Variants in ANKRD36C observed in about 807,000 individuals in gnomAD.
ANKRD36C encodes ankyrin repeat domain 36C.
A neutral mutation model predicts 276.4 loss-of-function variants in ANKRD36C; 61 were observed. That is an observed-to-expected ratio of 0.22 (90% confidence interval 0.18 to 0.27). ANKRD36C has a LOEUF of 0.27. Ranked by LOEUF, ANKRD36C falls within the 10% of genes least tolerant of loss-of-function variation. The pLI, the probability that ANKRD36C is intolerant of heterozygous loss-of-function variation, is 1.00. For missense variants in ANKRD36C, 1,447 were observed against 2,032.3 expected (o/e 0.71, Z 5.54); for synonymous variants, 483 against 680.1 (o/e 0.71, Z 4.51).
chr2:95,885,708 A>AAT (rs1676184903), intron 52 of ANKRD36C, among the ~76,000 whole-genome samples: 1 of 151,896 alleles, frequency 6.6e-6, no homozygotes, highest in Non-Finnish European at 1.5e-5. Context: ...TGACGCCTAT[A>AAT]ATATCTATTA....
At chr2:95,910,848 A>G (rs4907223) in intron 42 of ANKRD36C, among the ~76,000 whole-genome samples, 41,498 of 151,200 alleles carry the variant, frequency 0.27, 6,624 homozygotes, top group East Asian at 0.47. Context: ...GCATAGGCCA[A>G]GTGATGAGAA....
intron 6 of ANKRD36C, among the ~76,000 whole-genome samples, chr2:95,969,491 A>C (rs1482894857): frequency 4.6e-5 from 7 of 152,168 alleles, no homozygotes; most frequent in African/African-American, 7.2e-5. Context: ...AATTTGAGCC[A>C]TTACATCCCA....
At chr2:95,911,307 T>C (rs1185612500) in intron 42 of ANKRD36C, among the ~76,000 whole-genome samples, 1 of 151,512 alleles carries the variant, frequency 6.6e-6, no homozygotes, top group Non-Finnish European at 1.5e-5. Context: ...AGTAAAATGC[T>C]ACAAGCATTA....
chr2:95,864,605 G>T (rs562675221), intron 60 of ANKRD36C, among the ~76,000 whole-genome samples: 1 of 152,160 alleles, frequency 6.6e-6, no homozygotes, highest in South Asian at 2.1e-4. Context: ...TTTAAAAAAA[G>T]AAATAAAATT....
chr2:95,977,603 G>A (rs1477955029), intron 6 of ANKRD36C, among the ~76,000 whole-genome samples: 1 of 151,888 alleles, frequency 6.6e-6, no homozygotes, highest in Non-Finnish European at 1.5e-5. Flanking sequence ...TACTGCAAAA[G>A]CTTCCTTTCT....
intron 60 of ANKRD36C, among the ~76,000 whole-genome samples, chr2:95,863,155 A>G (rs1238694306): frequency 6.6e-6 from 1 of 152,164 alleles, no homozygotes; most frequent in African/African-American, 2.4e-5. Flanking sequence ...GAAATAAACA[A>G]TGTGACATAA....
At chr2:95,891,506 C>G (rs1425365319) in intron 46 of ANKRD36C, among the ~76,000 whole-genome samples, 159 bp downstream of exon 66, 2 of 150,972 alleles carry the variant, frequency 1.3e-5, no homozygotes, top group African/African-American at 2.4e-5. Flanking sequence ...TCCAGAGCAG[C>G]AGCATCATCA....
intron 6 of ANKRD36C, among the ~76,000 whole-genome samples, chr2:95,964,481 C>T (rs983817317): frequency 2.0e-5 from 3 of 152,048 alleles, no homozygotes; most frequent in Non-Finnish European, 4.4e-5. Context: ...TCCACATTCA[C>T]TTCTTCATTA....
rs1485699423 is a variant in ANKRD36C at position 95,860,087 on chromosome 2, A to G, written c.3683-13T>C. 6.8e-7 allele frequency: 1 copy of G among 1,468,422 alleles called. No individual in the cohort carries two copies. 91.0% of individuals were successfully genotyped at this position (1,468,422 alleles called of 1,614,324 possible). ...AGGTGAACACAATCTGTAACCAGGA[A>G]AAAACAAAGTAGAGATAAAATACAT... On this transcript the variant is annotated splice_polypyrimidine_tract_variant and intron_variant, in intron 60 of 66. Transcript: ENST00000456556.
intron 58 of ANKRD36C, among the ~76,000 whole-genome samples, chr2:95,878,580 C>T (rs1171832989): frequency 6.6e-6 from 1 of 152,232 alleles, no homozygotes; most frequent in Non-Finnish European, 1.5e-5. Context: ...TAGTACCTTA[C>T]ATGTATAATT....
chr2:95,973,491 T>C (rs1411619434), intron 6 of ANKRD36C, among the ~76,000 whole-genome samples: 1 of 152,230 alleles, frequency 6.6e-6, no homozygotes, highest in Non-Finnish European at 1.5e-5. Flanking sequence ...TAGAAATATA[T>C]GTAGCCATTG....
intron 5 of ANKRD36C, among the ~76,000 whole-genome samples, 200 bp downstream of exon 5, chr2:95,980,448 A>G (rs1469333102): frequency 6.6e-6 from 1 of 152,104 alleles, no homozygotes; most frequent in African/African-American, 2.4e-5. Context: ...TCTTGCACCT[A>G]CTGCTACTTA....
At chr2:95,945,047 A>C in intron 18 of ANKRD36C, 67 bp downstream of exon 18, 1 of 1,492,266 alleles carries the variant, frequency 6.7e-7, no homozygotes, top group Non-Finnish European at 9.0e-7. Flanking sequence ...TACAAAAAAT[A>C]AGAAAGAAAA....
intron 30 of ANKRD36C, among the ~76,000 whole-genome samples, chr2:95,924,694 G>A (rs2104429166): frequency 6.6e-6 from 1 of 151,644 alleles, no homozygotes; most frequent in Admixed American, 6.6e-5. Flanking sequence ...TAATAAACAG[G>A]AATGAGGCAC....
intron 42 of ANKRD36C, among the ~76,000 whole-genome samples, 158 bp downstream of exon 44, chr2:95,912,086 A>T (rs1237598863): frequency 1.3e-5 from 2 of 151,448 alleles, no homozygotes; most frequent in Non-Finnish European, 3.0e-5. Context: ...GTTCCAGACC[A>T]GCAGCATCAG....
exon 62 of ANKRD36C, chr2:95,857,381 C>T (rs1433571411): frequency 6.2e-7 from 1 of 1,609,908 alleles, no homozygotes; most frequent in African/African-American, 1.3e-5. Flanking sequence ...TTGGTTTTGT[C>T]ACATCAGCTT....
At chr2:95,878,575 C>T (rs963442375) in intron 58 of ANKRD36C, among the ~76,000 whole-genome samples, 7 of 152,156 alleles carry the variant, frequency 4.6e-5, no homozygotes, top group Non-Finnish European at 8.8e-5. Flanking sequence ...AGCAGTAGTA[C>T]CTTACATGTA....
intron 59 of ANKRD36C, among the ~76,000 whole-genome samples, chr2:95,871,664 C>G (rs1477103971): frequency 1.3e-5 from 2 of 151,668 alleles, no homozygotes; most frequent in African/African-American, 4.8e-5. Context: ...TCAGACATAA[C>G]AATATTAACT....
intron 17 of ANKRD36C, among the ~76,000 whole-genome samples, chr2:95,946,289 C>CA (rs1291333591): frequency 6.6e-6 from 1 of 150,640 alleles, no homozygotes; most frequent in African/African-American, 2.4e-5. Flanking sequence ...TTTATGCAGC[C>CA]AAAAAACACA....
Sources: allele counts gnomAD v4.1 joint callset (sites outside exome capture counted in the v4.1 genomes callset), GRCh38; gene constraint gnomAD v4.1.1; transcripts MANE v1.5; gene names NCBI Gene and HGNC (gene_info 2026-07-23, HGNC 2026-07-21).